The following PASK variants were observed in gnomAD, a reference collection of about 807,000 sequenced individuals.
The protein encoded by PASK is PAS domain containing serine/threonine kinase.
A neutral mutation model predicts 121.0 loss-of-function variants in PASK; 110 were observed. The observed-to-expected ratio is 0.91, with a 90% CI of 0.78 to 1.06. The LOEUF (loss-of-function observed/expected upper bound fraction) is 1.06. Among genes scored for constraint, PASK ranks in the 50% least tolerant of loss-of-function variants. PASK has a pLI of 0.00. For synonymous variants in PASK, 686 were observed against 717.8 expected (o/e 0.96, Z 0.71); for missense variants, 1,643 against 1,702.3 (o/e 0.97, Z 0.61).
chr2:241,117,192 G>A (rs1455422397), intron 12 of PASK, among the ~76,000 whole-genome samples: 3 of 152,226 alleles, frequency 2.0e-5, no homozygotes, highest in East Asian at 3.8e-4. Flanking sequence ...CCGTCATCAG[G>A]AGAGAAGGGG....
rs199811842 is a variant in PASK, at chr2:241,138,082, G to A, written c.747C>T (p.Thr249=). ...STWVAFQSDG[T]VTSCDSLFAH... is the part of the protein sequence containing the mutation. ...CAAAGAGACTGTCACATGACGTGACGGTGCCCTGGAGGAAAAGCCCCGTGC... is the reference window on the plus strand; with the variant it reads ...CAAAGAGACTGTCACATGACGTGACAGTGCCCTGGAGGAAAAGCCCCGTGC... Residue 249 remains threonine (T), a synonymous_variant, in exon 6 of 18, where the codon ACC becomes ACT. Coordinates refer to ENST00000234040, the MANE Select transcript of PASK (RefSeq NM_015148.4). 4.3e-5 allele frequency: 70 copies of A among 1,614,076 alleles called. No individual in the cohort carries two copies. The highest frequency in any genetic ancestry group is 8.9e-5 in the East Asian group (4 of 44,884).
chr2:241,127,528 T>C, intron 9 of PASK, 77 bp from the exon 10 acceptor site: 1 of 1,170,082 alleles, frequency 8.5e-7, no homozygotes, highest in East Asian at 2.3e-5. Flanking sequence ...GATTCTCCAT[T>C]AGAACTAAGT....
chr2:241,129,196 G>A (rs922111793), intron 9 of PASK, among the ~76,000 whole-genome samples: 1 of 152,174 alleles, frequency 6.6e-6, no homozygotes, highest in African/African-American at 2.4e-5. Flanking sequence ...AAAGCCCCTT[G>A]CCAAAGAGTC....
At chr2:241,139,442 G>A in intron 4 of PASK, 1 of 455,326 alleles carries the variant, frequency 2.2e-6, no homozygotes, top group Admixed American at 2.4e-5. Context: ...ACATGGCACA[G>A]GTGAGAGAAT....
In PASK at chr2:241,108,803, C is replaced by A. The variant is rs779080233; in HGVS notation, c.3534-503G>T. Reference sequence around the variant, plus strand: ...CGACGATGTGAAGGGTGCTGCAGGACGAGACTGAACAGGGAAAAACACCGA... The same window carrying A: ...CGACGATGTGAAGGGTGCTGCAGGAAGAGACTGAACAGGGAAAAACACCGA... On this transcript the variant is annotated intron_variant, in intron 15 of 17. Transcript: ENST00000234040. This position sits in a 1 kb window ranked among gnomAD's most constrained non-coding sequence, Gnocchi z 5.2. 1 of 239,208 alleles carries A rather than the reference C, an allele frequency of 4.2e-6. No homozygotes were observed. Among genetic ancestry groups the A allele is most frequent in the Non-Finnish European group, 8.4e-6 (1 of 119,478 alleles). 14.8% of individuals were successfully genotyped at this position (239,208 alleles called of 1,614,324 possible). A position where few individuals can be genotyped will look rare whatever the true frequency, so the allele number is the denominator to read the frequency against.
chr2:241,107,084 C>T (rs1416780389), intron 17 of PASK, among the ~76,000 whole-genome samples: 9 of 152,176 alleles, frequency 5.9e-5, no homozygotes, highest in African/African-American at 2.2e-4. Flanking sequence ...TTGAGGGTTC[C>T]GACCCCTTCT....
intron 8 of PASK, 138 bp downstream of exon 8, chr2:241,135,733 C>CT: frequency 1.6e-6 from 1 of 628,564 alleles, no homozygotes; most frequent in Non-Finnish European, 2.7e-6. Context: ...AAAACAGTCA[C>CT]CCCCTACTCC....
chr2:241,115,823 C>T (rs897818567), intron 12 of PASK, among the ~76,000 whole-genome samples: 3 of 140,996 alleles, frequency 2.1e-5, no homozygotes, highest in African/African-American at 5.6e-5. Flanking sequence ...CACCAGGGGC[C>T]ACCCAGTCCT....
chr2:241,126,747 G>T lies in PASK; in HGVS notation c.2168C>A (p.Pro723His). The change falls in exon 10 of 18, where the codon CCT becomes CAT. Residue 723 changes from proline (P) to histidine (H), a missense_variant. Physicochemically the swap from Pro to His is moderately conservative, Grantham distance 77 (BLOSUM62 -2). Transcript: ENST00000234040. The part of the protein sequence containing the change: ...SACYALATDL[P>H]GGLEAVEAQE... ...GGCCTCCACTGCTTCCAGGCCCCCA[G>T]GGAGGTCCGTGGCCAAGGCATAGCA... 1 of 1,614,090 alleles carries T rather than the reference G, an allele frequency of 6.2e-7. No individual in the cohort carries two copies. Among genetic ancestry groups the T allele is most frequent in the Non-Finnish European group, 8.5e-7 (1 of 1,180,030 alleles).
intron 6 of PASK, 60 bp downstream of exon 6, chr2:241,137,893 T>C (rs2066514453): frequency 2.5e-6 from 4 of 1,590,502 alleles, no homozygotes; most frequent in Non-Finnish European, 3.5e-6. Context: ...CGTCTCCAGT[T>C]ATGGATTCAG....
intron 14 of PASK, chr2:241,114,551 C>T (rs1379343620): frequency 2.0e-6 from 2 of 1,008,140 alleles, no homozygotes; most frequent in Non-Finnish European, 2.4e-6. Context: ...AAATAATGGC[C>T]GAAGTTCAAT....
chr2:241,133,162 C>T (rs781562522), intron 8 of PASK, 132 bp from the exon 9 acceptor site: 78 of 873,156 alleles, frequency 8.9e-5, no homozygotes, highest in Non-Finnish European at 1.3e-4. Flanking sequence ...CCACCCCAGG[C>T]GTCCCAGGTC....
At chr2:241,139,642 C>G in intron 4 of PASK, 1 of 696,008 alleles carries the variant, frequency 1.4e-6, no homozygotes, top group Non-Finnish European at 2.7e-6. Flanking sequence ...CACGACACCT[C>G]CCAGGAGTCC....
chr2:241,115,350 G>A lies in PASK; in HGVS notation c.3136C>T (p.Leu1046Phe), dbSNP rs1374772698. The A allele has an allele frequency of 6.2e-7, 1 of 1,613,586 alleles. No homozygotes were observed. The highest frequency in any genetic ancestry group is 8.5e-7 in the Non-Finnish European group (1 of 1,179,702). Residue 1046 changes from leucine (L) to phenylalanine (F), a missense_variant, in exon 13 of 18, where the codon CTT (leucine) becomes TTT (phenylalanine). By Grantham distance (22) the Leu-to-Phe change is conservative. Transcript: ENST00000234040. ...LEDCWIEDPK[L>F]GKVTLEIAIL... ...GCGATCTCTAAAGTAACTTTCCCAA[G>A]TTTGGGATCCTCAATCCAACAATCC...
Position 241,108,112 on chromosome 2 carries a change from GTGGC to G in PASK, c.3667+51_3667+54del. On this transcript the variant is annotated intron_variant, in intron 16 of 17. Transcript: ENST00000234040. This position sits in a 1 kb window ranked among gnomAD's most constrained non-coding sequence, Gnocchi z 5.2. ...AGGAATGAGGAAATGGGAAAAAAAA[GTGGC>G]TGGTCTCTAAGGACAGTGTCGACTG... 1 of 1,586,686 alleles carries G rather than the reference GTGGC, an allele frequency of 6.3e-7. No homozygotes were observed. The highest frequency in any genetic ancestry group is 8.7e-7 in the Non-Finnish European group (1 of 1,155,198).
At chr2:241,128,516 T>G (rs766773233) in intron 9 of PASK, among the ~76,000 whole-genome samples, 1 of 152,148 alleles carries the variant, frequency 6.6e-6, no homozygotes, top group Non-Finnish European at 1.5e-5. Context: ...GCACAGAATG[T>G]GACCGCACCA....
At chr2:241,149,773 G>C, upstream of PASK, 2 of 1,537,092 alleles carry the variant, frequency 1.3e-6, no homozygotes, top group East Asian at 2.4e-5. Context: ...GGGGCGGCTC[G>C]TTCATGGGCC....
Position 241,108,255 on chromosome 2 carries a change from C to T in PASK, c.3579G>A (p.Leu1193=). Residue 1193 remains leucine (L), a synonymous_variant, in exon 16 of 18, where the codon CTG becomes CTA. Coordinates refer to ENST00000234040, the MANE Select transcript of PASK (RefSeq NM_015148.4). This position sits in a 1 kb window ranked among gnomAD's most constrained non-coding sequence, Gnocchi z 5.2. ...GGTTCTCCTCAAAGACCAGCGTGTA[C>T]AGAGTGACTCCCAGAGACCACATCT... is the stretch of plus-strand genomic sequence containing the variant. ...ELEMWSLGVT[L]YTLVFEENPF... 6.2e-7 allele frequency: 1 copy of T among 1,613,998 alleles called. No individual in the cohort carries two copies. The highest frequency in any genetic ancestry group is 1.3e-5 in the African/African-American group (1 of 75,040).
At chr2:241,127,548 T>C in intron 9 of PASK, 97 bp from the exon 10 acceptor site, 1 of 1,003,558 alleles carries the variant, frequency 1.0e-6, no homozygotes, top group Non-Finnish European at 1.6e-6. Context: ...TACAAAGCAT[T>C]TAATGCCACC....
Sources: allele counts gnomAD v4.1 joint callset (sites outside exome capture counted in the v4.1 genomes callset), GRCh38; gene constraint gnomAD v4.1.1; non-coding constraint Gnocchi (gnomAD v3.1); transcripts MANE v1.5; gene names NCBI Gene and HGNC (gene_info 2026-07-23, HGNC 2026-07-21).